STRBP: variants seen among roughly 807,000 people sequenced by gnomAD.
STRBP encodes spermatid perinuclear RNA-binding protein.
Under a neutral mutation model 80.1 loss-of-function variants are expected in STRBP, and 13 were observed. That is an observed-to-expected ratio of 0.16 (90% CI 0.11 to 0.26). STRBP has a LOEUF of 0.26. Ranked by LOEUF, STRBP falls within the 10% of genes least tolerant of loss-of-function variation. The pLI is 1.00. For missense variants in STRBP, 485 were observed against 815.2 expected (o/e 0.59, Z 4.93); for synonymous variants, 284 against 291.2 (o/e 0.98, Z 0.25).
Position 123,115,135 on chromosome 9 carries a change from C to T in STRBP, c.*84+794G>A, listed in dbSNP as rs1335077127. On this transcript the variant is annotated intron_variant and NMD_transcript_variant, in intron 3 of 3. Coordinates refer to the STRBP transcript ENST00000471564. This position sits in a 1 kb window ranked among gnomAD's most constrained non-coding sequence, Gnocchi z 5.0. ...ACTGCAGACTGTGTGTCCCACCTGC[C>T]ACTTGACTCTGCTCATCCTCTCGGG... 4.4e-6 allele frequency: 2 copies of T among 452,058 alleles called. No homozygotes were observed. The highest frequency in any genetic ancestry group is 4.0e-5 in the African/African-American group (2 of 49,762). The allele number at this position is 452,058 out of a possible 1,614,324, so 28.0% of individuals were successfully genotyped here. A position where few individuals can be genotyped will look rare whatever the true frequency, so the allele number is the denominator to read the frequency against.
At chr9:123,226,327 C>T (rs949366537) in intron 2 of STRBP, among the ~76,000 whole-genome samples, 4 of 151,826 alleles carry the variant, frequency 2.6e-5, no homozygotes, top group Admixed American at 1.3e-4. Context: ...TTCATAGAAC[C>T]GTATATTCAA....
intron 1 of STRBP, among the ~76,000 whole-genome samples, chr9:123,250,872 C>T (rs191113253): frequency 6.6e-6 from 1 of 152,256 alleles, no homozygotes; most frequent in East Asian, 1.9e-4. Context: ...AATCCCAACA[C>T]TTAGGGAGGC....
chr9:123,201,187 T>G (rs1177073582), intron 2 of STRBP, among the ~76,000 whole-genome samples: 1 of 152,172 alleles, frequency 6.6e-6, no homozygotes, highest in Non-Finnish European at 1.5e-5. Flanking sequence ...CATATTTCAC[T>G]GATCTTTTGT....
At chr9:123,142,472 T>C (rs2036629414) in intron 13 of STRBP, among the ~76,000 whole-genome samples, 1 of 152,188 alleles carries the variant, frequency 6.6e-6, no homozygotes, top group Non-Finnish European at 1.5e-5. Flanking sequence ...CAGGTACTTC[T>C]TTATAGCAGT....
chr9:123,171,986 T>C (rs2038030874), intron 5 of STRBP, among the ~76,000 whole-genome samples: 1 of 152,194 alleles, frequency 6.6e-6, no homozygotes, highest in African/African-American at 2.4e-5. Context: ...AGAAACAATG[T>C]GGAGTTTACA....
chr9:123,221,275 C>T (rs12348258), intron 2 of STRBP, among the ~76,000 whole-genome samples: 12,502 of 152,114 alleles, frequency 0.082, 1,655 homozygotes, highest in East Asian at 0.61. Flanking sequence ...CCATTCCTCC[C>T]ACATCTTGCC....
chr9:123,242,568 G>A (rs1442626519), intron 1 of STRBP, among the ~76,000 whole-genome samples: 5 of 152,168 alleles, frequency 3.3e-5, no homozygotes, highest in Non-Finnish European at 5.9e-5. Flanking sequence ...GCTGAGGCAG[G>A]AGAATCGCTT....
chr9:123,118,607 G>C (rs2035682093), downstream of STRBP, among the ~76,000 whole-genome samples: 1 of 152,234 alleles, frequency 6.6e-6, no homozygotes, highest in Non-Finnish European at 1.5e-5. Context: ...AGCCTCCCCT[G>C]GGGGGAATGT....
Position 123,161,171 on chromosome 9 carries a change from GAACT to G in STRBP, c.536-107_536-104del, listed in dbSNP as rs1374769306. On this transcript the variant is annotated intron_variant, in intron 6 of 18. Transcript: ENST00000348403. The stretch of plus-strand genomic sequence containing the variant: ...ATAAAAAGAATAACAGCATTTGAGT[GAACT>G]AATAAGACTCCCAGAAAATTTCCTC... The G allele has an allele frequency of 2.3e-5, 20 of 868,478 alleles. No homozygotes were observed. In the East Asian group the frequency reaches 5.2e-4, roughly 23 times the overall value. The allele number at this position is 868,478 out of a possible 1,614,324, so 53.8% of individuals were successfully genotyped here. A position where few individuals can be genotyped will look rare whatever the true frequency, so the allele number is the denominator to read the frequency against.
intron 1 of STRBP, among the ~76,000 whole-genome samples, chr9:123,240,817 A>G (rs1468315042): frequency 6.6e-6 from 1 of 152,130 alleles, no homozygotes; most frequent in Admixed American, 6.5e-5. Flanking sequence ...ACCACACTAT[A>G]TCAACAATCC....
At chr9:123,133,309 A>G (rs1228643820) in intron 16 of STRBP, among the ~76,000 whole-genome samples, 1 of 152,226 alleles carries the variant, frequency 6.6e-6, no homozygotes, top group Non-Finnish European at 1.5e-5. Context: ...CAAATCCAGT[A>G]AATTATCTGC....
chr9:123,199,286 C>T lies in STRBP; in HGVS notation c.-164-14988G>A, dbSNP rs116304299. 8.0e-3 allele frequency among the ~76,000 whole-genome samples: 1,221 copies of T among 152,288 alleles called. 15 individuals are homozygous for T. Among genetic ancestry groups the T allele is most frequent in the African/African-American group, 0.028 (1,161 of 41,560 alleles). ...TATACTGTTTTGGTAACTGTATCCTCGTAGTACAGTTTGAAGTCCAGTAAT... is the reference window on the plus strand; with the variant it reads ...TATACTGTTTTGGTAACTGTATCCTTGTAGTACAGTTTGAAGTCCAGTAAT... On this transcript the variant is annotated intron_variant, in intron 2 of 18. Coordinates refer to ENST00000348403, the MANE Select transcript of STRBP (RefSeq NM_018387.5).
chr9:123,199,844 T>C (rs552233775), intron 2 of STRBP, among the ~76,000 whole-genome samples: 1 of 152,352 alleles, frequency 6.6e-6, no homozygotes, highest in African/African-American at 2.4e-5. Flanking sequence ...CCTTTCCAAT[T>C]TGGATACCCT....
At chr9:123,180,338 TA>T (rs986215936) in intron 3 of STRBP, among the ~76,000 whole-genome samples, 1 of 152,184 alleles carries the variant, frequency 6.6e-6, no homozygotes, top group African/African-American at 2.4e-5. Flanking sequence ...AAGAAAACTA[TA>T]AAAAACATTA....
chr9:123,159,758 C>T (rs965787537), intron 8 of STRBP, among the ~76,000 whole-genome samples: 7 of 152,156 alleles, frequency 4.6e-5, no homozygotes, highest in East Asian at 3.8e-4. Flanking sequence ...TGATCTTTCA[C>T]GGCTTTATTT....
intron 16 of STRBP, among the ~76,000 whole-genome samples, chr9:123,133,268 A>C (rs1390889084): frequency 6.6e-6 from 1 of 152,232 alleles, no homozygotes; most frequent in Non-Finnish European, 1.5e-5. Flanking sequence ...GGCCTTACTA[A>C]AGTAATCATA....
chr9:123,244,059 T>C (rs867134619), intron 1 of STRBP, among the ~76,000 whole-genome samples: 17 of 152,220 alleles, frequency 1.1e-4, no homozygotes, highest in African/African-American at 3.6e-4. Context: ...CAAATTGTGA[T>C]ATAATCACAG....
chr9:123,237,471 T>C (rs926608213), intron 1 of STRBP, among the ~76,000 whole-genome samples: 2 of 152,016 alleles, frequency 1.3e-5, no homozygotes, highest in African/African-American at 4.8e-5. Context: ...GATGAGGCAA[T>C]GAGACTAAGC....
At chr9:123,207,713 C>A (rs1296469387) in intron 2 of STRBP, among the ~76,000 whole-genome samples, 1 of 151,914 alleles carries the variant, frequency 6.6e-6, no homozygotes, top group African/African-American at 2.4e-5. Flanking sequence ...GCACATGTAT[C>A]CCAGAACTTA....
Sources: allele counts gnomAD v4.1 joint callset (sites outside exome capture counted in the v4.1 genomes callset), GRCh38; gene constraint gnomAD v4.1.1; non-coding constraint Gnocchi (gnomAD v3.1); transcripts MANE v1.5; gene names NCBI Gene and HGNC (gene_info 2026-07-23, HGNC 2026-07-21).